Variants in SPATA13 observed in about 807,000 individuals in gnomAD.
SPATA13 encodes the protein spermatogenesis-associated protein 13.
Under a neutral mutation model 104.0 loss-of-function variants are expected in SPATA13, and 50 were observed. The ratio of observed to expected loss-of-function variants is 0.48; its 90% CI spans 0.38 to 0.61. The LOEUF (loss-of-function observed/expected upper bound fraction) is 0.61, where lower values mean the gene tolerates loss of function less well. SPATA13 is among the 20% of genes least tolerant of loss of function. The pLI, the probability that SPATA13 is intolerant of heterozygous loss-of-function variation, is 0.00. For missense variants in SPATA13, 1,524 were observed against 1,690.6 expected (o/e 0.90, Z 1.73); for synonymous variants, 606 against 667.5 (o/e 0.91, Z 1.42).
At chr13:24,006,028 A>G (rs1876209252) in intron 2 of SPATA13, among the ~76,000 whole-genome samples, 1 of 152,258 alleles carries the variant, frequency 6.6e-6, no homozygotes, top group African/African-American at 2.4e-5. Context: ...GGCCAGGGTC[A>G]GACTGGCTGG....
intron 3 of SPATA13, among the ~76,000 whole-genome samples, chr13:24,089,915 G>A (rs964176508): frequency 1.6e-4 from 24 of 152,186 alleles, no homozygotes; most frequent in Non-Finnish European, 7.3e-5. Context: ...CTCTGGAGGG[G>A]CCAAACGCTG....
At chr13:24,021,274 T>A (rs1006471820) in intron 3 of SPATA13, among the ~76,000 whole-genome samples, 5 of 152,206 alleles carry the variant, frequency 3.3e-5, no homozygotes, top group Non-Finnish European at 5.9e-5. Flanking sequence ...GAAAGAAAGT[T>A]TGGAGAATCC....
At chr13:24,185,412 T>C (rs1869083470) in intron 1 of SPATA13, among the ~76,000 whole-genome samples, 1 of 152,208 alleles carries the variant, frequency 6.6e-6, no homozygotes, top group Admixed American at 6.5e-5. Context: ...TCTTAAGCTA[T>C]CTGGAGATCC....
chr13:24,249,672 C>G lies in SPATA13; in HGVS notation c.1849C>G (p.Arg617Gly). The G allele has an allele frequency of 1.2e-6, 2 of 1,614,182 alleles. No individual in the cohort carries two copies. The highest frequency in any genetic ancestry group is 2.7e-5 in the African/African-American group (2 of 75,058). Residue 617 changes from arginine to glycine, a missense_variant, in exon 3 of 13, where the codon CGT becomes GGT. Coordinates refer to ENST00000382108, the MANE Select transcript of SPATA13 (RefSeq NM_001166271.3). ...SVAADPQKEDRVDEDPQASMT... is the reference protein window; with the variant it reads ...SVAADPQKEDGVDEDPQASMT... The stretch of plus-strand genomic sequence containing the variant: ...TGCTGCAGACCCCCAGAAGGAAGAC[C>G]GTGTGGACGAGGACCCCCAGGCAAG...
At position 24,175,605 on chromosome 13, in the gene SPATA13, G is replaced by C. The variant is rs573331589; in HGVS notation, c.-112+14673G>C. Among the ~76,000 whole-genome samples the C allele has an allele frequency of 4.4e-4, 67 of 152,308 alleles. 2 individuals carry two copies. The highest frequency in any genetic ancestry group is 3.4e-3 in the Middle Eastern group (1 of 294). On this transcript the variant is annotated intron_variant, in intron 1 of 12. Coordinates refer to ENST00000382108, the MANE Select transcript of SPATA13 (RefSeq NM_001166271.3). ...ATTTCTTGTTGAGTAATGTTTATGA[G>C]TAACTACCTTAATGTTTACCAAGTA...
chr13:24,058,364 G>A (rs764188408), intron 3 of SPATA13, among the ~76,000 whole-genome samples: 17 of 151,928 alleles, frequency 1.1e-4, no homozygotes, highest in Non-Finnish European at 2.4e-4. Flanking sequence ...CTCATTTAAT[G>A]CTCACCGTAA....
At chr13:24,152,458 T>C (rs1171249174) in intron 3 of SPATA13, among the ~76,000 whole-genome samples, 2 of 152,224 alleles carry the variant, frequency 1.3e-5, no homozygotes, top group African/African-American at 2.4e-5. Context: ...TCCTGTCACA[T>C]TGTGTGTAAC....
chr13:24,165,022 T>C (rs1882664429), intron 1 of SPATA13, among the ~76,000 whole-genome samples: 1 of 152,140 alleles, frequency 6.6e-6, no homozygotes, highest in Admixed American at 6.6e-5. Flanking sequence ...TGTATATGTA[T>C]GTGGTTGTGG....
intron 4 of SPATA13, among the ~76,000 whole-genome samples, chr13:24,270,462 A>G (rs1488524630): frequency 6.6e-6 from 1 of 152,192 alleles, no homozygotes; most frequent in Non-Finnish European, 1.5e-5. Context: ...ACCTTTTGAA[A>G]AGCTCTCTGA....
intron 4 of SPATA13, among the ~76,000 whole-genome samples, chr13:24,252,455 T>TCACACTCA (rs1199859305): frequency 6.6e-6 from 1 of 152,122 alleles, no homozygotes; most frequent in African/African-American, 2.4e-5. Context: ...GTACTGGGGG[T>TCACACTCA]TAGGACTTCA....
At chr13:24,053,785 A>G (rs543562030) in intron 3 of SPATA13, among the ~76,000 whole-genome samples, 1 of 152,320 alleles carries the variant, frequency 6.6e-6, no homozygotes. Flanking sequence ...TTAAGACACC[A>G]AAACAACCCC....
intron 3 of SPATA13, among the ~76,000 whole-genome samples, chr13:24,125,591 G>A (rs544947839): frequency 6.6e-6 from 1 of 152,242 alleles, no homozygotes; most frequent in East Asian, 1.9e-4. Flanking sequence ...ATTAAGCAGA[G>A]TTCTCAGTTC....
intron 3 of SPATA13, among the ~76,000 whole-genome samples, chr13:24,110,559 G>T (rs531434671): frequency 6.6e-6 from 1 of 152,170 alleles, no homozygotes; most frequent in Admixed American, 6.5e-5. Flanking sequence ...CTCCTAAGGC[G>T]GTGGAGAAGC....
At chr13:24,297,867 G>A in intron 11 of SPATA13, 132 bp downstream of exon 11, 1 of 1,128,390 alleles carries the variant, frequency 8.9e-7, no homozygotes, top group Non-Finnish European at 1.2e-6. Flanking sequence ...AAGGACAAGG[G>A]ATCTGCAAAC....
chr13:24,271,594 T>C (rs1874616872), intron 4 of SPATA13, among the ~76,000 whole-genome samples: 1 of 152,242 alleles, frequency 6.6e-6, no homozygotes, highest in Non-Finnish European at 1.5e-5. Flanking sequence ...ACTCTCACAC[T>C]AGGAAGCCAT....
At chr13:23,987,778 A>T (rs889462513) in intron 2 of SPATA13, among the ~76,000 whole-genome samples, 1 of 151,496 alleles carries the variant, frequency 6.6e-6, no homozygotes, top group East Asian at 1.9e-4. Flanking sequence ...CCCCTCTCCA[A>T]CCCCTGGCAA....
chr13:24,201,447 C>T (rs1870398481), intron 1 of SPATA13, among the ~76,000 whole-genome samples: 1 of 18,868 alleles, frequency 5.3e-5, no homozygotes, highest in South Asian at 0.025. Flanking sequence ...CATTAGAGTT[C>T]ACTCTTTTTT....
intron 2 of SPATA13, among the ~76,000 whole-genome samples, chr13:24,240,349 A>G (rs1223359580): frequency 6.6e-6 from 1 of 152,104 alleles, no homozygotes; most frequent in African/African-American, 2.4e-5. Flanking sequence ...TTGAGATGGC[A>G]GGATGGTCTG....
chr13:24,184,296 G>C (rs1869008848), intron 1 of SPATA13, among the ~76,000 whole-genome samples: 1 of 152,168 alleles, frequency 6.6e-6, no homozygotes, highest in African/African-American at 2.4e-5. Flanking sequence ...AACCCAAGGA[G>C]CCAGATTACT....
Sources: gnomAD v4.1 joint callset for allele counts (sites outside exome capture counted in the v4.1 genomes callset) on GRCh38, gnomAD v4.1.1 for gene constraint, MANE v1.5 for transcripts, NCBI Gene and HGNC (gene_info 2026-07-23, HGNC 2026-07-21) for gene names.